The following CLMP variants were observed in gnomAD, a reference collection of about 807,000 sequenced individuals.
CLMP encodes the protein CXADR-like membrane protein.
Under a neutral mutation model 45.2 loss-of-function variants are expected in CLMP, and 27 were observed. The ratio of observed to expected loss-of-function variants is 0.60; its 90% CI spans 0.44 to 0.82. The LOEUF (loss-of-function observed/expected upper bound fraction) is 0.82. CLMP is among the 40% of genes least tolerant of loss of function. The probability of loss-of-function intolerance (pLI) is 0.00; values close to 1 mark genes in which losing one functional copy is unlikely to be tolerated. For synonymous variants in CLMP, 167 were observed against 171.4 expected, an observed-to-expected ratio of 0.97 and a Z score of 0.20; for missense variants, 403 against 448.4, an observed-to-expected ratio of 0.90 and a Z score of 0.91.
At chr11:123,151,676 G>A (rs529344098) in intron 1 of CLMP, among the ~76,000 whole-genome samples, 4 of 152,198 alleles carry the variant, frequency 2.6e-5, no homozygotes, top group Non-Finnish European at 5.9e-5. Flanking sequence ...CACCTTCTTC[G>A]TGTTCCTACT....
In CLMP at chr11:123,194,978, C is replaced by T. The variant is rs1861961126; in HGVS notation, c.-38G>A. 1 of 1,603,288 alleles carries T rather than the reference C, an allele frequency of 6.2e-7. No individual in the cohort carries two copies. The highest frequency in any genetic ancestry group is 8.5e-7 in the Non-Finnish European group (1 of 1,175,258). The stretch of plus-strand genomic sequence containing the variant: ...ACGCGGGCGCTTCCCCGCTCAGCTG[C>T]TGCTTGGCTCCGGGGCGGCCGGGCG... On this transcript the variant is annotated 5_prime_UTR_variant, in exon 1 of 7. Transcript: ENST00000448775.
chr11:123,111,631 A>G (rs1860639974), intron 1 of CLMP, among the ~76,000 whole-genome samples: 1 of 152,188 alleles, frequency 6.6e-6, no homozygotes. Flanking sequence ...TAAGGTAGTT[A>G]TTCTTAGTAA....
intron 1 of CLMP, among the ~76,000 whole-genome samples, chr11:123,163,913 G>A (rs1246513111): frequency 6.6e-6 from 1 of 152,104 alleles, no homozygotes. Context: ...CAGTGGAGCC[G>A]CTCAATCACA....
intron 1 of CLMP, among the ~76,000 whole-genome samples, chr11:123,107,376 G>A (rs1170838648): frequency 2.7e-5 from 4 of 148,892 alleles, no homozygotes; most frequent in Non-Finnish European, 4.5e-5. Flanking sequence ...GATTATAGGC[G>A]CATGCCACCA....
chr11:123,138,666 T>G (rs750880917), intron 1 of CLMP, among the ~76,000 whole-genome samples: 2 of 145,776 alleles, frequency 1.4e-5, no homozygotes, highest in African/African-American at 2.5e-5. Flanking sequence ...TCTTACTTAT[T>G]TATTTGAGAT....
chr11:123,140,604 C>A (rs1861140421), intron 1 of CLMP, among the ~76,000 whole-genome samples: 1 of 152,106 alleles, frequency 6.6e-6, no homozygotes, highest in Non-Finnish European at 1.5e-5. Context: ...ACAACCTTTG[C>A]CCAAAGCTTT....
intron 1 of CLMP, among the ~76,000 whole-genome samples, chr11:123,127,302 A>C (rs1171828615): frequency 6.6e-6 from 1 of 152,040 alleles, no homozygotes; most frequent in Non-Finnish European, 1.5e-5. Context: ...TTGTATCTTT[A>C]GTAGAGACGG....
At chr11:123,109,067 AAAAAAAAAAAAAAG>A (rs1259599925) in intron 1 of CLMP, among the ~76,000 whole-genome samples, 5 of 151,286 alleles carry the variant, frequency 3.3e-5, no homozygotes, top group Non-Finnish European at 5.9e-5. Flanking sequence ...CTCAAAAAAA[AAAAAAAAAAAAAAG>A]AAAGAAAGAA....
At chr11:123,101,187 C>A (rs774897484) in intron 1 of CLMP, among the ~76,000 whole-genome samples, 2 of 152,200 alleles carry the variant, frequency 1.3e-5, no homozygotes, top group African/African-American at 2.4e-5. Flanking sequence ...CAGCTCACTG[C>A]GACCTCTGCC....
chr11:123,128,280 CT>C (rs1258438957), intron 1 of CLMP, among the ~76,000 whole-genome samples: 2 of 151,198 alleles, frequency 1.3e-5, no homozygotes, highest in East Asian at 3.9e-4. Flanking sequence ...AGAAAGGGGA[CT>C]TCTTTAAAAA....
chr11:123,127,728 C>T (rs79360760), intron 1 of CLMP, among the ~76,000 whole-genome samples: 23,508 of 151,912 alleles, frequency 0.15, 2,418 homozygotes, highest in African/African-American at 0.29. Context: ...CAAAATCAAA[C>T]CAAGTAGTAG....
intron 2 of CLMP, among the ~76,000 whole-genome samples, chr11:123,094,976 T>C (rs1262716261): frequency 6.6e-6 from 1 of 152,152 alleles, no homozygotes; most frequent in Non-Finnish European, 1.5e-5. Flanking sequence ...CTATAACCTC[T>C]AAGAAGGCAA....
chr11:123,087,825 A>G (rs966481021), intron 2 of CLMP, among the ~76,000 whole-genome samples: 4 of 152,062 alleles, frequency 2.6e-5, no homozygotes, highest in Non-Finnish European at 5.9e-5. Flanking sequence ...GCCTCAAAAC[A>G]AGACAAAACA....
chr11:123,186,507 G>A (rs1861836216), intron 1 of CLMP, among the ~76,000 whole-genome samples: 1 of 151,310 alleles, frequency 6.6e-6, no homozygotes, highest in Admixed American at 6.6e-5. Context: ...GAGAGTTGGG[G>A]CACAATTTGT....
chr11:123,081,065 A>G (rs1865798633), intron 5 of CLMP, among the ~76,000 whole-genome samples: 1 of 152,084 alleles, frequency 6.6e-6, no homozygotes, highest in Non-Finnish European at 1.5e-5. Context: ...AAGCGGGAGA[A>G]TCGCTTGAAC....
intron 1 of CLMP, among the ~76,000 whole-genome samples, chr11:123,171,270 C>T (rs780677000): frequency 2.9e-4 from 44 of 151,978 alleles, no homozygotes; most frequent in Non-Finnish European, 4.3e-4. Flanking sequence ...AAAGGGTTCT[C>T]CTAGTTTAAA....
At chr11:123,136,182 G>A in intron 1 of CLMP, 1 of 634,966 alleles carries the variant, frequency 1.6e-6, no homozygotes, top group Non-Finnish European at 3.1e-6. Context: ...CAAACTTTCT[G>A]GAACAAAAAT....
At chr11:123,103,716 CT>C (rs534180855) in intron 1 of CLMP, among the ~76,000 whole-genome samples, 1 of 149,322 alleles carries the variant, frequency 6.7e-6, no homozygotes, top group Non-Finnish European at 1.5e-5. Flanking sequence ...TTCTTTCTTT[CT>C]TTTTTTTTAC....
chr11:123,132,704 C>A (rs1861008727), intron 1 of CLMP, among the ~76,000 whole-genome samples: 1 of 152,070 alleles, frequency 6.6e-6, no homozygotes, highest in South Asian at 2.1e-4. Flanking sequence ...AGTGATTCAC[C>A]CACCTCAGCC....
Sources: allele counts gnomAD v4.1 joint callset (sites outside exome capture counted in the v4.1 genomes callset), GRCh38; gene constraint gnomAD v4.1.1; transcripts MANE v1.5; gene names NCBI Gene and HGNC (gene_info 2026-07-23, HGNC 2026-07-21).